WWOX: variants seen among roughly 807,000 people sequenced by gnomAD.
The protein encoded by WWOX is WW domain containing oxidoreductase.
A neutral mutation model predicts 46.2 loss-of-function variants in WWOX; 69 were observed. That is an observed-to-expected ratio of 1.49 (90% CI 1.23 to 1.82). The LOEUF (loss-of-function observed/expected upper bound fraction) is 1.82. Among genes scored for constraint, WWOX ranks in the 40% most tolerant of loss-of-function variants. The pLI, the probability that WWOX is intolerant of heterozygous loss-of-function variation, is 0.00. For missense variants in WWOX, 919 were observed against 542.6 expected, an observed-to-expected ratio of 1.69 and a Z score of -6.89; for synonymous variants, 359 against 202.6, an observed-to-expected ratio of 1.77 and a Z score of -6.56.
At position 78,424,886 on chromosome 16, in the gene WWOX, G is replaced by T; in HGVS notation, c.622G>T (p.Val208Leu). ...KAKNVPLHVL[V>L]CNAATFALPW... Reference sequence around the variant, plus strand: ...ATTTTTCAGGCCTCTTCATGTGCTTGTGTGCAACGCAGCAACTTTTGCTCT... The same window carrying T: ...ATTTTTCAGGCCTCTTCATGTGCTTTTGTGCAACGCAGCAACTTTTGCTCT... Residue 208 changes from valine (V) to leucine (L), a missense_variant, in exon 7 of 9, where the codon GTG becomes TTG. Physicochemically the swap from Val to Leu is conservative, Grantham distance 32. Coordinates refer to ENST00000566780, the MANE Select transcript of WWOX (RefSeq NM_016373.4). 6.2e-7 allele frequency: 1 copy of T among 1,614,130 alleles called. No individual in the cohort carries two copies. Among genetic ancestry groups the T allele is most frequent in the Non-Finnish European group, 8.5e-7 (1 of 1,180,024 alleles).
intron 8 of WWOX, among the ~76,000 whole-genome samples, chr16:78,442,255 C>G (rs1405997925): frequency 2.0e-5 from 3 of 152,080 alleles, no homozygotes; most frequent in African/African-American, 4.8e-5. Context: ...ACTTACATAG[C>G]TATCATTTTT....
At chr16:78,229,384 A>G (rs1319661737) in intron 5 of WWOX, among the ~76,000 whole-genome samples, 2 of 151,120 alleles carry the variant, frequency 1.3e-5, no homozygotes, top group South Asian at 4.2e-4. Flanking sequence ...TTTTTAACTC[A>G]AGAAGCCTTT....
rs1131691324 is a variant in WWOX, at chr16:78,386,867, C to T, written c.524C>T (p.Ala175Val). The part of the protein sequence containing the change: ...VSRILEEWHK[A>V]KVEAMTLDLA... ...TATTTTCTCTCATTGCAGCATAAAG[C>T]CAAGGTAGAAGCAATGACCCTGGAC... Residue 175 changes from alanine to valine, a missense_variant, in exon 6 of 9, where the codon GCC becomes GTC. By Grantham distance (64) the Ala-to-Val change is moderately conservative. Transcript: ENST00000566780. 8 of 1,613,902 alleles carry T rather than the reference C, an allele frequency of 5.0e-6. No homozygotes were observed. The highest frequency in any genetic ancestry group is 6.8e-6 in the Non-Finnish European group (8 of 1,179,852).
intron 8 of WWOX, among the ~76,000 whole-genome samples, chr16:78,879,588 G>T (rs2044301530): frequency 6.6e-6 from 1 of 152,112 alleles, no homozygotes; most frequent in South Asian, 2.1e-4. Flanking sequence ...TGCTTAGAAG[G>T]AATTCCTGGC....
chr16:78,481,703 A>C (rs1311777756), intron 8 of WWOX, among the ~76,000 whole-genome samples: 3 of 141,614 alleles, frequency 2.1e-5, no homozygotes, highest in Non-Finnish European at 4.6e-5. Context: ...GAATGCTATG[A>C]CTTTTGCTCA....
rs149858702 is a variant in WWOX, at chr16:78,722,000, G to A, written c.1056+289248G>A. Among the ~76,000 whole-genome samples, 142 of 152,260 alleles carry A rather than the reference G, an allele frequency of 9.3e-4. 4 individuals carry two copies. The East Asian group carries it at 0.025, about 27-fold the overall frequency. On this transcript the variant is annotated intron_variant, in intron 8 of 8. Transcript: ENST00000566780. ...TGTAAAGTATTAAATTAGCATCCAG[G>A]CACTTTCTTTTTTTCTAGAAGGTGG...
intron 8 of WWOX, among the ~76,000 whole-genome samples, chr16:79,073,045 C>T (rs1052166491): frequency 2.6e-5 from 4 of 152,100 alleles, no homozygotes; most frequent in South Asian, 4.1e-4. Flanking sequence ...GTGCTAGCCT[C>T]AGTGAGAGTT....
intron 8 of WWOX, among the ~76,000 whole-genome samples, chr16:78,500,971 CT>C (rs1383226614): frequency 6.6e-6 from 1 of 152,124 alleles, no homozygotes; most frequent in Non-Finnish European, 1.5e-5. Flanking sequence ...TGGTGTTTAG[CT>C]TGACTTAAAA....
At chr16:78,942,580 A>G (rs761051241) in intron 8 of WWOX, among the ~76,000 whole-genome samples, 33 of 149,268 alleles carry the variant, frequency 2.2e-4, no homozygotes, top group Non-Finnish European at 4.1e-4. Flanking sequence ...ATTTCAGACA[A>G]TCAAGGAGAG....
At chr16:78,658,199 C>G (rs1409646437) in intron 8 of WWOX, among the ~76,000 whole-genome samples, 1 of 152,116 alleles carries the variant, frequency 6.6e-6, no homozygotes, top group African/African-American at 2.4e-5. Context: ...ACAAAATCAC[C>G]CCTGGATGAG....
intron 8 of WWOX, among the ~76,000 whole-genome samples, chr16:78,434,837 G>C (rs184725241): frequency 2.6e-4 from 39 of 152,164 alleles, no homozygotes; most frequent in African/African-American, 9.4e-4. Flanking sequence ...ATAGAAAATA[G>C]TGGAAACTGT....
chr16:78,932,982 C>T (rs1199306573), intron 8 of WWOX, among the ~76,000 whole-genome samples: 2 of 152,214 alleles, frequency 1.3e-5, no homozygotes, highest in African/African-American at 2.4e-5. Flanking sequence ...CAATAGACCA[C>T]GTCCTGTCCA....
chr16:78,967,219 A>C (rs2046378013), intron 8 of WWOX, among the ~76,000 whole-genome samples: 1 of 151,442 alleles, frequency 6.6e-6, no homozygotes, highest in South Asian at 2.1e-4. Flanking sequence ...CGTGATTCAA[A>C]TCATGTTGCA....
At chr16:78,468,042 T>G (rs1325394778) in intron 8 of WWOX, among the ~76,000 whole-genome samples, 1 of 152,164 alleles carries the variant, frequency 6.6e-6, no homozygotes, top group Non-Finnish European at 1.5e-5. Context: ...CTCAAAATTC[T>G]CTCTGCTCTT....
chr16:78,547,501 G>T (rs538917449), intron 8 of WWOX, among the ~76,000 whole-genome samples: 13 of 152,332 alleles, frequency 8.5e-5, no homozygotes, highest in Non-Finnish European at 1.5e-4. Context: ...TTAGTTACAA[G>T]TGATTCTACT....
intron 8 of WWOX, among the ~76,000 whole-genome samples, chr16:78,823,616 C>T (rs1253119788): frequency 1.3e-5 from 2 of 152,120 alleles, no homozygotes; most frequent in African/African-American, 2.4e-5. Context: ...TTTGATAAAA[C>T]AGACCCAGTC....
intron 8 of WWOX, among the ~76,000 whole-genome samples, chr16:78,627,129 A>G (rs576180633): frequency 2.4e-4 from 37 of 152,254 alleles, no homozygotes; most frequent in Admixed American, 1.9e-3. Flanking sequence ...TTTAAATAAA[A>G]ATCATACTAG....
chr16:78,422,834 TATATACATATAC>T (rs2082977811), intron 6 of WWOX, among the ~76,000 whole-genome samples: 1 of 109,808 alleles, frequency 9.1e-6, no homozygotes, highest in Non-Finnish European at 1.7e-5. Flanking sequence ...CACATATATA[TATATACATATAC>T]ACACACACAC....
intron 8 of WWOX, among the ~76,000 whole-genome samples, chr16:78,962,008 C>G (rs1305432079): frequency 1.3e-5 from 2 of 152,152 alleles, no homozygotes; most frequent in Admixed American, 1.3e-4. Flanking sequence ...TTGTCAGGAC[C>G]TCCTTCCAGG....
Sources: gnomAD v4.1 joint callset for allele counts (sites outside exome capture counted in the v4.1 genomes callset) on GRCh38, gnomAD v4.1.1 for gene constraint, MANE v1.5 for transcripts, NCBI Gene and HGNC (gene_info 2026-07-23, HGNC 2026-07-21) for gene names.